The following SEC14L1 variants were observed in gnomAD, a reference collection of about 807,000 sequenced individuals.
The protein encoded by SEC14L1 is SEC14 like lipid binding 1, also known as SEC14-like protein 1.
In SEC14L1, 48 loss-of-function variants were observed where a neutral mutation model predicts 85.3. The observed-to-expected ratio is 0.56, with a 90% CI of 0.45 to 0.72. SEC14L1 has a LOEUF of 0.72. SEC14L1 is among the 30% of genes least tolerant of loss of function. The pLI is 0.00. For missense variants in SEC14L1, 682 were observed against 921.4 expected (o/e 0.74, Z 3.36); for synonymous variants, 391 against 355.5 (o/e 1.10, Z -1.12).
chr17:77,202,814 G>T (rs1246744929), intron 9 of SEC14L1, among the ~76,000 whole-genome samples: 1 of 152,008 alleles, frequency 6.6e-6, no homozygotes, highest in Non-Finnish European at 1.5e-5. Flanking sequence ...CAGCTACTTG[G>T]GAGGCTGAGG....
intron 3 of SEC14L1, among the ~76,000 whole-genome samples, chr17:77,166,603 G>A (rs1228666844): frequency 6.6e-6 from 1 of 152,308 alleles, no homozygotes; most frequent in Non-Finnish European, 1.5e-5. Context: ...ACTTTGGGAG[G>A]CTGAGGCAGG....
upstream of SEC14L1, among the ~76,000 whole-genome samples, chr17:77,136,705 G>C (rs1972810430): frequency 6.6e-6 from 1 of 152,152 alleles, no homozygotes; most frequent in South Asian, 2.1e-4. Flanking sequence ...CGTTCGGGGA[G>C]CAGGTTTGCT....
intron 3 of SEC14L1, among the ~76,000 whole-genome samples, chr17:77,099,405 T>G: frequency 6.6e-6 from 1 of 152,206 alleles, no homozygotes; most frequent in Non-Finnish European, 1.5e-5. Context: ...GTTGTCATCT[T>G]CTATCAGGAT....
chr17:77,216,904 C>A lies in SEC14L1; in HGVS notation c.*2881C>A. ...TCTTTTAAAACGCTGCTGTCATTTCCCATTTCTTAGTACTAATGATTCTTT... is the reference window on the plus strand; with the variant it reads ...TCTTTTAAAACGCTGCTGTCATTTCACATTTCTTAGTACTAATGATTCTTT... On this transcript the variant is annotated 3_prime_UTR_variant, in exon 17 of 17. Transcript: ENST00000436233. 3.8e-6 allele frequency: 1 copy of A among 264,602 alleles called. No individual in the cohort carries two copies. The highest frequency in any genetic ancestry group is 7.3e-6 in the Non-Finnish European group (1 of 136,494). The allele number at this position is 264,602 out of a possible 1,614,324, so 16.4% of individuals were successfully genotyped here. A position where few individuals can be genotyped will look rare whatever the true frequency, so the allele number is the denominator to read the frequency against.
chr17:77,105,716 G>T (rs1971900562), intron 3 of SEC14L1, among the ~76,000 whole-genome samples: 1 of 152,164 alleles, frequency 6.6e-6, no homozygotes, highest in Non-Finnish European at 1.5e-5. Flanking sequence ...TGTGACTCAA[G>T]GTTAAGTGGT....
Position 77,216,151 on chromosome 17 carries a change from T to C in SEC14L1, c.*2128T>C, listed in dbSNP as rs1247734762. 1 of 986,896 alleles carries C rather than the reference T, an allele frequency of 1.0e-6. No individual in the cohort carries two copies. Among genetic ancestry groups the C allele is most frequent in the African/African-American group, 2.2e-5 (1 of 45,554 alleles). 61.1% of individuals were successfully genotyped at this position (986,896 alleles called of 1,614,324 possible). The stretch of plus-strand genomic sequence containing the variant: ...AGGTAGGGCTAGTAGGTAGGGTTCG[T>C]AGGTAGGGTTCGTAGGTAGGGCTAG... On this transcript the variant is annotated 3_prime_UTR_variant, in exon 17 of 17. Coordinates refer to ENST00000436233, the MANE Select transcript of SEC14L1 (RefSeq NM_001143998.2).
intron 3 of SEC14L1, among the ~76,000 whole-genome samples, chr17:77,130,515 A>C (rs1006685389): frequency 3.3e-5 from 5 of 152,010 alleles, no homozygotes; most frequent in African/African-American, 4.8e-5. Context: ...ACGGGGTTTC[A>C]CTTCACCATG....
intron 3 of SEC14L1, among the ~76,000 whole-genome samples, chr17:77,125,749 C>A (rs934472563): frequency 3.9e-5 from 6 of 152,206 alleles, no homozygotes; most frequent in Non-Finnish European, 8.8e-5. Context: ...ATCCCACGTG[C>A]CTTATGTGCT....
chr17:77,125,211 G>T (rs182625050), intron 3 of SEC14L1, among the ~76,000 whole-genome samples: 1 of 151,906 alleles, frequency 6.6e-6, no homozygotes, highest in African/African-American at 2.4e-5. Context: ...TGGCCAGGCC[G>T]GTCTCGAACT....
rs80171770 is a variant in SEC14L1 at position 77,168,129 on chromosome 17, G to T, written c.64-22674G>T. On this transcript the variant is annotated intron_variant, in intron 3 of 16. Coordinates refer to ENST00000436233, the MANE Select transcript of SEC14L1 (RefSeq NM_001143998.2). ...GGGTAGGAGTGGTCTGTCCATTACG[G>T]TACGGGGCATGTCGGGCCACAAGCG... Among the ~76,000 whole-genome samples, 1,194 of 152,260 alleles carry T rather than the reference G, an allele frequency of 7.8e-3. 19 individuals are homozygous for T. The highest frequency in any genetic ancestry group is 0.027 in the African/African-American group (1,116 of 41,540).
chr17:77,175,674 A>G (rs1310485168), intron 3 of SEC14L1, among the ~76,000 whole-genome samples: 2 of 152,142 alleles, frequency 1.3e-5, no homozygotes, highest in African/African-American at 2.4e-5. Context: ...TCATTCTATA[A>G]AACAAAGAAA....
At chr17:77,092,254 G>T (rs1307857058) in intron 2 of SEC14L1, among the ~76,000 whole-genome samples, 1 of 152,200 alleles carries the variant, frequency 6.6e-6, no homozygotes, top group Non-Finnish European at 1.5e-5. Flanking sequence ...ACCTACAGGG[G>T]TAAGCACATT....
chr17:77,119,232 T>TG (rs1567876532), intron 3 of SEC14L1, among the ~76,000 whole-genome samples: 1 of 147,504 alleles, frequency 6.8e-6, no homozygotes, highest in African/African-American at 2.5e-5. Context: ...TGCTTGAATC[T>TG]GGGGGGCAGA....
In SEC14L1 at chr17:77,115,518, C is replaced by T. The variant is rs370310269; in HGVS notation, c.-136+22171C>T. Among the ~76,000 whole-genome samples the T allele has an allele frequency of 1.7e-3, 259 of 152,222 alleles. 2 individuals are homozygous for T. Among genetic ancestry groups the T allele is most frequent in the African/African-American group, 5.7e-3 (238 of 41,556 alleles). Reference sequence around the variant, plus strand: ...TCAAGGGTGTTTTCAACAATAATTCCACTTGTTTCAGGCCCCTTTTGGGGC... The same window carrying T: ...TCAAGGGTGTTTTCAACAATAATTCTACTTGTTTCAGGCCCCTTTTGGGGC... On this transcript the variant is annotated intron_variant, in intron 3 of 19. Transcript: ENST00000392476.
rs1971998910 is a variant in SEC14L1, at chr17:77,109,432, A to G, written c.-136+16085A>G. 2.6e-5 allele frequency among the ~76,000 whole-genome samples: 4 copies of G among 152,348 alleles called. No individual in the cohort carries two copies. In the South Asian group the frequency reaches 8.3e-4, roughly 32 times the overall value. On this transcript the variant is annotated intron_variant, in intron 3 of 19. Transcript: ENST00000392476. ...TACTGTTTGTTGTAAGGGTTAAAAC[A>G]GAGGGAACTTCATTAGCATGCTGAC...
At chr17:77,145,623 G>T (rs767506184) in intron 3 of SEC14L1, among the ~76,000 whole-genome samples, 3 of 152,162 alleles carry the variant, frequency 2.0e-5, no homozygotes, top group Non-Finnish European at 4.4e-5. Flanking sequence ...GTGCTGTTTT[G>T]GCTTTTGGTT....
Position 77,214,574 on chromosome 17 carries a change from G to T in SEC14L1, c.*551G>T. The T allele has an allele frequency of 3.0e-6, 3 of 988,854 alleles. No homozygotes were observed. Among genetic ancestry groups the T allele is most frequent in the Non-Finnish European group, 3.6e-6 (3 of 832,080 alleles). 61.3% of individuals were successfully genotyped at this position (988,854 alleles called of 1,614,324 possible). On this transcript the variant is annotated 3_prime_UTR_variant, in exon 17 of 17. Coordinates refer to ENST00000436233, the MANE Select transcript of SEC14L1 (RefSeq NM_001143998.2). ...TCCTCTGAGGATTCAGAGGTTGCCTGCGGAGTACCTTGTCCCAGGGCCAGA... is the reference window on the plus strand; with the variant it reads ...TCCTCTGAGGATTCAGAGGTTGCCTTCGGAGTACCTTGTCCCAGGGCCAGA...
At chr17:77,103,657 G>C (rs565885206) in intron 3 of SEC14L1, among the ~76,000 whole-genome samples, 1 of 11,070 alleles carries the variant, frequency 9.0e-5, no homozygotes, top group African/African-American at 1.3e-3. Flanking sequence ...GGCCAGGCCA[G>C]TCTTGAACTC....
intron 2 of SEC14L1, chr17:77,089,597 T>C (rs761320560): frequency 1.8e-5 from 8 of 453,624 alleles, no homozygotes; most frequent in Non-Finnish European, 3.5e-5. Flanking sequence ...TAAACATTTG[T>C]TGATACATTG....
Sources: gnomAD v4.1 joint callset for allele counts (sites outside exome capture counted in the v4.1 genomes callset) on GRCh38, gnomAD v4.1.1 for gene constraint, MANE v1.5 for transcripts, NCBI Gene and HGNC (gene_info 2026-07-23, HGNC 2026-07-21) for gene names.